SATB2: variants seen among roughly 807,000 people sequenced by gnomAD.
SATB2 encodes SATB homeobox 2.
In SATB2, 1 loss-of-function variant was observed where a neutral mutation model predicts 73.4. The ratio of observed to expected loss-of-function variants is 0.01; its 90% CI spans 0.00 to 0.06. The LOEUF is 0.06. Among genes scored for constraint, SATB2 ranks in the 10% least tolerant of loss-of-function variants. SATB2 has a pLI of 1.00. For synonymous variants in SATB2, 397 were observed against 367.0 expected (o/e 1.08, Z -0.93); for missense variants, 459 against 945.8 (o/e 0.49, Z 6.75).
intron 3 of SATB2, among the ~76,000 whole-genome samples, chr2:199,389,872 T>A (rs1170561420): frequency 6.6e-6 from 1 of 152,132 alleles, no homozygotes; most frequent in East Asian, 1.9e-4. Flanking sequence ...ACTACCCCCT[T>A]ACACTACAGA....
chr2:199,348,291 A>G lies in SATB2; in HGVS notation c.1173+410T>C, dbSNP rs531360797. 6 of 155,440 alleles carry G rather than the reference A, an allele frequency of 3.9e-5. No homozygotes were observed. The East Asian group carries it at 1.1e-3, about 30-fold the overall frequency. 9.6% of individuals were successfully genotyped at this position (155,440 alleles called of 1,614,324 possible). ...TAATTTTATTTCTTTTATAACGTTCAAAACCAAGGGAAAAAAATAGATTGT... is the reference window on the plus strand; with the variant it reads ...TAATTTTATTTCTTTTATAACGTTCGAAACCAAGGGAAAAAAATAGATTGT... On this transcript the variant is annotated intron_variant, in intron 7 of 10. Coordinates refer to ENST00000417098, the MANE Select transcript of SATB2 (RefSeq NM_001172509.2).
chr2:199,339,689 G>A (rs1688448148), intron 7 of SATB2, among the ~76,000 whole-genome samples: 1 of 152,130 alleles, frequency 6.6e-6, no homozygotes. Context: ...GAGAAATAAT[G>A]ATGACTGAGA....
intron 3 of SATB2, among the ~76,000 whole-genome samples, chr2:199,391,388 G>T (rs554345766): frequency 2.6e-4 from 38 of 145,478 alleles, no homozygotes; most frequent in Admixed American, 9.7e-4. Context: ...ACCAGAGATT[G>T]CGCCACTGCA....
chr2:199,282,233 C>G (rs2105725509), intron 10 of SATB2, among the ~76,000 whole-genome samples: 1 of 152,188 alleles, frequency 6.6e-6, no homozygotes, highest in East Asian at 1.9e-4. Context: ...TTCAGCAAAA[C>G]TAGTTATTAC....
chr2:199,443,380 T>C (rs1008881415), intron 2 of SATB2, among the ~76,000 whole-genome samples: 3 of 152,120 alleles, frequency 2.0e-5, no homozygotes. Context: ...CCCAGATTTC[T>C]AGTGGGAATA....
intron 3 of SATB2, among the ~76,000 whole-genome samples, chr2:199,390,228 GAAA>G (rs952117485): frequency 6.6e-6 from 1 of 151,680 alleles, no homozygotes; most frequent in South Asian, 2.1e-4. Context: ...GTCAGGATAT[GAAA>G]AAAAATGTGG....
chr2:199,412,594 A>G (rs991005335), intron 3 of SATB2, among the ~76,000 whole-genome samples: 1 of 152,210 alleles, frequency 6.6e-6, no homozygotes, highest in African/African-American at 2.4e-5. Context: ...TCTCTCCCCA[A>G]CTAGGTAATA....
rs202223477 is a variant in SATB2 at position 199,381,747 on chromosome 2, G to A, written c.420C>T (p.Ala140=). 61 of 1,614,068 alleles carry A rather than the reference G, an allele frequency of 3.8e-5. No individual in the cohort carries two copies. The highest frequency in any genetic ancestry group is 1.8e-4 in the East Asian group (8 of 44,880). The change falls in exon 4 of 11, where the codon GCC becomes GCT. Residue 140 remains alanine (A), a synonymous_variant. Coordinates refer to ENST00000417098, the MANE Select transcript of SATB2 (RefSeq NM_001172509.2). ...YVTDAPDATV[A]DMLQDVYHVV... ...CATGATAGACATCTTGTAGCATGTCGGCCACTGTCGCGTCGGGTGCATCTG... is the reference window on the plus strand; with the variant it reads ...CATGATAGACATCTTGTAGCATGTCAGCCACTGTCGCGTCGGGTGCATCTG...
intron 9 of SATB2, among the ~76,000 whole-genome samples, chr2:199,319,253 G>A (rs1333356724): frequency 6.6e-6 from 1 of 152,098 alleles, no homozygotes; most frequent in Non-Finnish European, 1.5e-5. Context: ...TCTCATTCCT[G>A]ACTTTAGTGG....
At chr2:199,307,268 T>C (rs1197285980) in intron 10 of SATB2, among the ~76,000 whole-genome samples, 3 of 152,196 alleles carry the variant, frequency 2.0e-5, no homozygotes, top group Admixed American at 2.0e-4. Context: ...TCCCTAAAAC[T>C]TTTCAAATAA....
rs184233857 is a variant in SATB2 at position 199,366,467 on chromosome 2, C to T, written c.700+2138G>A. Among the ~76,000 whole-genome samples the T allele has an allele frequency of 2.1e-3, 322 of 152,108 alleles. 2 individuals carry two copies. The highest frequency in any genetic ancestry group is 7.2e-3 in the African/African-American group (299 of 41,528). The stretch of plus-strand genomic sequence containing the variant: ...TTCTGAGGGTCGAAAGTTAATAAAA[C>T]GCACTTCTCTGGGTGTTTATTTTCT... On this transcript the variant is annotated intron_variant, in intron 6 of 10. Transcript: ENST00000417098.
At chr2:199,393,811 G>A (rs898478022) in intron 3 of SATB2, among the ~76,000 whole-genome samples, 2 of 151,880 alleles carry the variant, frequency 1.3e-5, no homozygotes, top group African/African-American at 4.8e-5. Context: ...TCAAAGTATA[G>A]TAAACAACTT....
chr2:199,408,992 T>C (rs1037998750), intron 3 of SATB2, among the ~76,000 whole-genome samples: 2 of 152,176 alleles, frequency 1.3e-5, no homozygotes, highest in Non-Finnish European at 2.9e-5. Flanking sequence ...CCAACAGCCA[T>C]CTAGTTTTTC....
intron 10 of SATB2, among the ~76,000 whole-genome samples, chr2:199,286,588 C>G (rs1419417346): frequency 1.3e-5 from 2 of 152,094 alleles, no homozygotes; most frequent in African/African-American, 4.8e-5. Context: ...GATACCATCC[C>G]CAGCCCACCC....
In SATB2 at chr2:199,273,514, G is replaced by A. The variant is rs942102268; in HGVS notation, c.1741-842C>T. ...AGAAAATCAATCCTTTGTAAAATTA[G>A]AAATGACTTTATATTCTTTTAGTTC... On this transcript the variant is annotated intron_variant, in intron 10 of 10. Transcript: ENST00000417098. Among the ~76,000 whole-genome samples, 7 of 152,268 alleles carry A rather than the reference G, an allele frequency of 4.6e-5. No individual in the cohort carries two copies. In the East Asian group the frequency reaches 1.3e-3, roughly 29 times the overall value.
intron 9 of SATB2, among the ~76,000 whole-genome samples, chr2:199,321,535 C>A (rs12474270): frequency 1.3e-5 from 2 of 149,134 alleles, no homozygotes; most frequent in Non-Finnish European, 3.0e-5. Flanking sequence ...TACATATATA[C>A]ATATATGTGT....
chr2:199,356,225 C>CAAAAAAAAAAAAAAAAAAAAAAA (rs200509001), intron 6 of SATB2, among the ~76,000 whole-genome samples: 1 of 100,974 alleles, frequency 9.9e-6, no homozygotes, highest in African/African-American at 5.1e-5. Context: ...GAACATAAGC[C>CAAAAAAAAAAAAAAAAAAAAAAA]AAAAAAAAAA....
rs1692530129 is a variant in SATB2, at chr2:199,463,665, G to A, written c.-141+1171C>T. On this transcript the variant is annotated intron_variant, in intron 1 of 11. Coordinates refer to the SATB2 transcript ENST00000260926. The surrounding 1 kb of genome is among the most constrained non-coding windows in gnomAD (Gnocchi z 6.4). ...CGTCGCCTGCAGTCCACGGGTTAAG[G>A]ATGTGGCGGGGGATGGGCAGGTCCC... is the stretch of plus-strand genomic sequence containing the variant. Among the ~76,000 whole-genome samples, 1 of 152,190 alleles carries A rather than the reference G, an allele frequency of 6.6e-6. No individual in the cohort carries two copies. The highest frequency in any genetic ancestry group is 2.1e-4 in the South Asian group (1 of 4,834).
At chr2:199,283,091 T>C (rs1692575700) in intron 10 of SATB2, among the ~76,000 whole-genome samples, 1 of 151,714 alleles carries the variant, frequency 6.6e-6, no homozygotes, top group South Asian at 2.1e-4. Context: ...AAACTTTTTT[T>C]TTTTTTTTTT....
Sources: allele counts gnomAD v4.1 joint callset (sites outside exome capture counted in the v4.1 genomes callset), GRCh38; gene constraint gnomAD v4.1.1; non-coding constraint Gnocchi (gnomAD v3.1); transcripts MANE v1.5; gene names NCBI Gene and HGNC (gene_info 2026-07-23, HGNC 2026-07-21).